Variants in EML1 observed in about 807,000 individuals in gnomAD.
EML1 encodes the protein EMAP like 1.
In EML1, 27 loss-of-function variants were observed where a neutral mutation model predicts 110.4. The observed-to-expected ratio is 0.24, with a 90% CI of 0.18 to 0.34. The LOEUF is 0.34. Among genes scored for constraint, EML1 ranks in the 10% least tolerant of loss-of-function variants. The probability of loss-of-function intolerance (pLI) is 1.00; values close to 1 mark genes in which losing one functional copy is unlikely to be tolerated. For missense variants in EML1, 741 were observed against 1,030.9 expected (o/e 0.72, Z 3.85); for synonymous variants, 344 against 385.8 (o/e 0.89, Z 1.27).
rs4900447 is a variant in EML1, at chr14:99,936,478, G to A, written c.2095+144G>A. 234,105 of 727,160 alleles carry A rather than the reference G, an allele frequency of 0.32. 42,819 individuals are homozygous for A. The highest frequency in any genetic ancestry group is 0.37 in the Non-Finnish European group (162,967 of 436,814). 45.0% of individuals were successfully genotyped at this position (727,160 alleles called of 1,614,324 possible). A position where few individuals can be genotyped will look rare whatever the true frequency, so the allele number is the denominator to read the frequency against. ...AGGTCATGGTTTCCGCCTCTGTAACGTAGGGGAGTGGGGCTGCGTGGCTTC... is the reference window on the plus strand; with the variant it reads ...AGGTCATGGTTTCCGCCTCTGTAACATAGGGGAGTGGGGCTGCGTGGCTTC... On this transcript the variant is annotated intron_variant, in intron 19 of 21. Transcript: ENST00000262233. This position sits in a 1 kb window ranked among gnomAD's most constrained non-coding sequence, Gnocchi z 5.5.
chr14:99,752,857 G>GA (rs1555386439), intron 1 of EML1, among the ~76,000 whole-genome samples: 2 of 151,328 alleles, frequency 1.3e-5, no homozygotes, highest in Non-Finnish European at 3.0e-5. Context: ...TAAACAGCAG[G>GA]TTTTTTTTTA....
chr14:99,875,753 C>T (rs968031903), intron 3 of EML1, among the ~76,000 whole-genome samples: 1 of 152,128 alleles, frequency 6.6e-6, no homozygotes, highest in Non-Finnish European at 1.5e-5. Flanking sequence ...TGGTGTTTGT[C>T]GTCATGGGAA....
chr14:99,903,802 G>A (rs77524773), intron 9 of EML1, among the ~76,000 whole-genome samples: 1 of 65,926 alleles, frequency 1.5e-5, no homozygotes, highest in African/African-American at 5.3e-5. Context: ...TTTTTTTTTT[G>A]AGACAGAGTC....
At chr14:99,754,816 C>A (rs905540929) in intron 1 of EML1, among the ~76,000 whole-genome samples, 1 of 152,160 alleles carries the variant, frequency 6.6e-6, no homozygotes, top group African/African-American at 2.4e-5. Flanking sequence ...GGAGAAACTT[C>A]TCCAGGTCAT....
upstream of EML1, among the ~76,000 whole-genome samples, chr14:99,789,919 A>G (rs2057644420): frequency 6.6e-6 from 1 of 152,234 alleles, no homozygotes; most frequent in African/African-American, 2.4e-5. Flanking sequence ...GTTTAGCAAA[A>G]ACATCACACA....
At chr14:99,756,991 C>T (rs1292454565) in intron 1 of EML1, among the ~76,000 whole-genome samples, 1 of 152,230 alleles carries the variant, frequency 6.6e-6, no homozygotes, top group Non-Finnish European at 1.5e-5. Context: ...ATCCCCAGGA[C>T]CGGCGGCACA....
At chr14:99,907,815 C>G in intron 10 of EML1, 82 bp downstream of exon 10, 1 of 1,315,116 alleles carries the variant, frequency 7.6e-7, no homozygotes. Flanking sequence ...CCCCTTTCAG[C>G]GGGCTCATTC....
At position 99,912,529 on chromosome 14, in the gene EML1, C is replaced by A. The variant is rs529934342; in HGVS notation, c.1494+953C>A. Among the ~76,000 whole-genome samples the A allele has an allele frequency of 9.2e-4, 140 of 152,224 alleles. 1 individual carries two copies. The highest frequency in any genetic ancestry group is 3.2e-3 in the African/African-American group (131 of 41,532). On this transcript the variant is annotated intron_variant, in intron 13 of 21. Coordinates refer to ENST00000262233, the MANE Select transcript of EML1 (RefSeq NM_004434.3). The stretch of plus-strand genomic sequence containing the variant: ...ATGGACAGACTTTAGGACTTTGAAC[C>A]CAGATACACACAAAACACTTATATT...
At chr14:99,892,407 T>A (rs1166756790) in intron 5 of EML1, among the ~76,000 whole-genome samples, 1 of 152,224 alleles carries the variant, frequency 6.6e-6, no homozygotes, top group Admixed American at 6.5e-5. Context: ...CCAATTGGTA[T>A]TGGCTGACTG....
At chr14:99,829,661 A>C (rs2058417563) in intron 1 of EML1, among the ~76,000 whole-genome samples, 1 of 152,184 alleles carries the variant, frequency 6.6e-6, no homozygotes, top group Admixed American at 6.5e-5. Context: ...GGTAACCCAC[A>C]GTCTGCTTTC....
Position 99,875,253 on chromosome 14 carries a change from C to T in EML1, c.384-3232C>T, listed in dbSNP as rs555965122. ...GAACACAGGGTTGAAGTCACCAGCCCCACCACTTGCTGTAACCCCAAACAA... is the reference window on the plus strand; with the variant it reads ...GAACACAGGGTTGAAGTCACCAGCCTCACCACTTGCTGTAACCCCAAACAA... On this transcript the variant is annotated intron_variant, in intron 3 of 21. Coordinates refer to ENST00000262233, the MANE Select transcript of EML1 (RefSeq NM_004434.3). Among the ~76,000 whole-genome samples, 11 of 152,236 alleles carry T rather than the reference C, an allele frequency of 7.2e-5. 1 individual carries two copies. The highest frequency in any genetic ancestry group is 2.4e-4 in the African/African-American group (10 of 41,522).
At chr14:99,808,214 G>C (rs1047785094) in intron 1 of EML1, among the ~76,000 whole-genome samples, 1 of 152,174 alleles carries the variant, frequency 6.6e-6, no homozygotes, top group Non-Finnish European at 1.5e-5. Context: ...TGAGGGCAGG[G>C]GCGCTGTGTT....
intron 1 of EML1, among the ~76,000 whole-genome samples, chr14:99,811,159 A>C (rs971135303): frequency 6.8e-6 from 1 of 146,936 alleles, no homozygotes; most frequent in African/African-American, 2.5e-5. Flanking sequence ...ATTCATGTAT[A>C]ATAGGGGTTT....
intron 1 of EML1, among the ~76,000 whole-genome samples, chr14:99,819,655 T>C (rs936056407): frequency 6.6e-6 from 1 of 152,208 alleles, no homozygotes; most frequent in Non-Finnish European, 1.5e-5. Flanking sequence ...AGGTGTTCAC[T>C]CTCGTCTTAG....
At chr14:99,789,751 C>T (rs2057642167), upstream of EML1, among the ~76,000 whole-genome samples, 1 of 152,218 alleles carries the variant, frequency 6.6e-6, no homozygotes, top group African/African-American at 2.4e-5. Context: ...ACTTTCCTTT[C>T]TCTTTTTCAC....
chr14:99,759,402 T>C (rs1245062287), intron 1 of EML1, among the ~76,000 whole-genome samples: 1 of 152,188 alleles, frequency 6.6e-6, no homozygotes, highest in African/African-American at 2.4e-5. Flanking sequence ...GCACTCACCA[T>C]CTCTGATGGT....
rs1381480163 is a variant in EML1 at position 99,783,511 on chromosome 14, G to A, written c.-27+9498G>A. The stretch of plus-strand genomic sequence containing the variant: ...TTTTTTTTTTTTTTTTTGAGACAGA[G>A]TCTTGCTCTGTCACCCAGGCTGGAG... On this transcript the variant is annotated intron_variant, in intron 1 of 22. Transcript: ENST00000327921. Among the ~76,000 whole-genome samples the A allele has an allele frequency of 5.5e-4, 78 of 142,354 alleles. 1 individual carries two copies. The highest frequency in any genetic ancestry group is 3.1e-3 in the Admixed American group (43 of 14,060). 93.4% of individuals were successfully genotyped at this position (142,354 alleles called of 152,430 possible).
intron 2 of EML1, among the ~76,000 whole-genome samples, chr14:99,859,051 C>G (rs1178377386): frequency 6.6e-6 from 1 of 152,176 alleles, no homozygotes; most frequent in Non-Finnish European, 1.5e-5. Flanking sequence ...GCTAGCTTTA[C>G]TAGAACTTCT....
At chr14:99,933,227 G>C (rs1009381261) in intron 17 of EML1, among the ~76,000 whole-genome samples, 1 of 152,196 alleles carries the variant, frequency 6.6e-6, no homozygotes, top group Admixed American at 6.5e-5. Flanking sequence ...CCAGGCTAGA[G>C]TGCAGTGGCG....
Sources: gnomAD v4.1 joint callset for allele counts (sites outside exome capture counted in the v4.1 genomes callset) on GRCh38, gnomAD v4.1.1 for gene constraint, Gnocchi (gnomAD v3.1) non-coding constraint, MANE v1.5 for transcripts, NCBI Gene and HGNC (gene_info 2026-07-23, HGNC 2026-07-21) for gene names.